Variants in NPY2R observed in about 807,000 individuals in gnomAD.
NPY2R encodes neuropeptide Y receptor Y2, also known as neuropeptide Y receptor type 2.
In NPY2R, 17 loss-of-function variants were observed where a neutral mutation model predicts 22.3. The ratio of observed to expected loss-of-function variants is 0.76; its 90% CI spans 0.52 to 1.14. The LOEUF (loss-of-function observed/expected upper bound fraction) is 1.14. Among genes scored for constraint, NPY2R ranks in the 50% most tolerant of loss-of-function variants. NPY2R has a pLI of 0.00. For missense variants in NPY2R, 424 were observed against 467.9 expected, an observed-to-expected ratio of 0.91 and a Z score of 0.87; for synonymous variants, 209 against 183.4, an observed-to-expected ratio of 1.14 and a Z score of -1.13.
the NPY2R span, among the ~76,000 whole-genome samples, chr4:155,202,697 G>A: frequency 6.6e-6 from 1 of 151,900 alleles, no homozygotes; most frequent in Non-Finnish European, 1.5e-5. Flanking sequence ...CCTTTCTCAG[G>A]AGATATCAAT....
intron 1 of NPY2R, among the ~76,000 whole-genome samples, chr4:155,213,575 C>T (rs1410784872): frequency 6.6e-6 from 1 of 152,018 alleles, no homozygotes; most frequent in Non-Finnish European, 1.5e-5. Context: ...ATATTCATTC[C>T]ACTTAAAATG....
At chr4:155,196,240 A>T in the NPY2R span, among the ~76,000 whole-genome samples, 1 of 151,924 alleles carries the variant, frequency 6.6e-6, no homozygotes, top group Non-Finnish European at 1.5e-5. Flanking sequence ...TTTTTCCCCA[A>T]TATGGGTTAC....
chr4:155,178,687 G>A, the NPY2R span, among the ~76,000 whole-genome samples: 6 of 152,102 alleles, frequency 3.9e-5, no homozygotes, highest in Non-Finnish European at 7.4e-5. Context: ...TATTAAGTGT[G>A]CGTGCATTTA....
the NPY2R span, among the ~76,000 whole-genome samples, chr4:155,190,772 T>C: frequency 6.6e-6 from 1 of 151,916 alleles, no homozygotes; most frequent in Non-Finnish European, 1.5e-5. Context: ...TATGAGGTTA[T>C]GTCTATATTC....
At chr4:155,212,771 C>T (rs760032048) in intron 1 of NPY2R, among the ~76,000 whole-genome samples, 7 of 152,036 alleles carry the variant, frequency 4.6e-5, no homozygotes, top group Non-Finnish European at 1.0e-4. Flanking sequence ...TACTAGTCTG[C>T]GGGTTCTCTT....
the NPY2R span, among the ~76,000 whole-genome samples, chr4:155,194,755 C>T: frequency 6.6e-6 from 1 of 151,984 alleles, no homozygotes; most frequent in African/African-American, 2.4e-5. Flanking sequence ...GAGTGTATAC[C>T]TGGTAATGAG....
chr4:155,181,426 T>C, the NPY2R span, among the ~76,000 whole-genome samples: 1 of 152,136 alleles, frequency 6.6e-6, no homozygotes, highest in African/African-American at 2.4e-5. Flanking sequence ...TGCCAACCAT[T>C]CACCTATCTC....
Position 155,216,045 on chromosome 4 carries a change from C to T in NPY2R, c.*960C>T, listed in dbSNP as rs1729508149. ...AAGCTATTTTTGCACAGGTACATAG[C>T]TCTCATGTATTTAAAGAACACTGCA... On this transcript the variant is annotated 3_prime_UTR_variant, in exon 2 of 2. Coordinates refer to ENST00000329476, the MANE Select transcript of NPY2R (RefSeq NM_000910.4). The T allele has an allele frequency of 6.0e-6, 1 of 166,940 alleles. No homozygotes were observed. The highest frequency in any genetic ancestry group is 6.6e-5 in the Admixed American group (1 of 15,266). The allele number at this position is 166,940 out of a possible 1,614,324, so 10.3% of individuals were successfully genotyped here. A position where few individuals can be genotyped will look rare whatever the true frequency, so the allele number is the denominator to read the frequency against.
At chr4:155,174,485 T>TATATATATATATATATATA in the NPY2R span, among the ~76,000 whole-genome samples, 228 of 41,584 alleles carry the variant, frequency 5.5e-3, no homozygotes, top group South Asian at 0.012. Context: ...TATATATATA[T>TATATATATATATATATATA]TTTTTTTTTT....
Position 155,214,938 on chromosome 4 carries a change from A to T in NPY2R, c.999A>T (p.Arg333Ser). The change falls in exon 2 of 2, where the codon AGA (arginine) becomes AGT (serine). Residue 333 changes from arginine to serine, a missense_variant. Physicochemically the swap from Arg to Ser is moderately radical, Grantham distance 110 (BLOSUM62 -1). Transcript: ENST00000329476. The stretch of plus-strand genomic sequence containing the variant: ...ATGGCTGGATGAACAGCAACTACAG[A>T]AAGGCTTTCCTCTCGGCCTTCCGCT... ...LLYGWMNSNY[R>S]KAFLSAFRCE... 1 of 1,614,144 alleles carries T rather than the reference A, an allele frequency of 6.2e-7. No individual in the cohort carries two copies. Among genetic ancestry groups the T allele is most frequent in the Non-Finnish European group, 8.5e-7 (1 of 1,179,988 alleles).
the NPY2R span, among the ~76,000 whole-genome samples, chr4:155,182,521 T>A: frequency 4.6e-5 from 7 of 152,140 alleles, no homozygotes; most frequent in Admixed American, 3.3e-4. Flanking sequence ...GTCACTTGGT[T>A]CTTTAGAGTC....
the NPY2R span, chr4:155,174,164 T>G: frequency 6.6e-6 from 1 of 151,946 alleles, no homozygotes; most frequent in African/African-American, 2.4e-5. Context: ...TCAGAAAGAC[T>G]CTGGGATTAT....
chr4:155,188,543 G>T, the NPY2R span, among the ~76,000 whole-genome samples: 1 of 152,100 alleles, frequency 6.6e-6, no homozygotes, highest in Admixed American at 6.6e-5. Flanking sequence ...AGCGGCAAAG[G>T]TGATGGGAGG....
At chr4:155,197,244 A>T in the NPY2R span, among the ~76,000 whole-genome samples, 1 of 151,936 alleles carries the variant, frequency 6.6e-6, no homozygotes, top group African/African-American at 2.4e-5. Flanking sequence ...GTTTCATTTT[A>T]TATAGGTTTT....
intron 1 of NPY2R, 119 bp downstream of exon 1, chr4:155,209,188 C>T (rs1031202970): frequency 2.0e-5 from 3 of 152,200 alleles, no homozygotes; most frequent in Admixed American, 2.0e-4. Context: ...CTTTTTCCTC[C>T]TCCTTTAGGC....
chr4:155,180,508 T>C, the NPY2R span, among the ~76,000 whole-genome samples: 1 of 152,262 alleles, frequency 6.6e-6, no homozygotes, highest in African/African-American at 2.4e-5. Flanking sequence ...TTATACCAGT[T>C]GACAAGATAA....
In NPY2R at chr4:155,213,872, A is replaced by T; in HGVS notation, c.-48-20A>T. ...GTTTTTGTTGTTGTTGTTTTGTTTT[A>T]TTTTGTTTTTTCTTTTTAGGTTGTA... On this transcript the variant is annotated intron_variant, in intron 1 of 1. Transcript: ENST00000329476. The T allele has an allele frequency of 7.7e-7, 1 of 1,296,374 alleles. No individual in the cohort carries two copies. The highest frequency in any genetic ancestry group is 1.1e-6 in the Non-Finnish European group (1 of 893,282). 80.3% of individuals were successfully genotyped at this position (1,296,374 alleles called of 1,614,324 possible). A position where few individuals can be genotyped will look rare whatever the true frequency, so the allele number is the denominator to read the frequency against.
At position 155,213,901 on chromosome 4, in the gene NPY2R, T is replaced by C; in HGVS notation, c.-39T>C. The C allele has an allele frequency of 6.5e-7, 1 of 1,539,246 alleles. No homozygotes were observed. Among genetic ancestry groups the C allele is most frequent in the Non-Finnish European group, 9.0e-7 (1 of 1,112,128 alleles). ...TGTTTTTTCTTTTTAGGTTGTAGAC[T>C]CTTGTGCTGGTTGCAGGCCAAGTGG... On this transcript the variant is annotated 5_prime_UTR_variant, in exon 2 of 2. Transcript: ENST00000329476.
At chr4:155,181,151 T>G in the NPY2R span, among the ~76,000 whole-genome samples, 1 of 151,936 alleles carries the variant, frequency 6.6e-6, no homozygotes, top group South Asian at 2.1e-4. Context: ...GCTCTTCACA[T>G]GCACAATTAC....
Sources: gnomAD v4.1 joint callset for allele counts (sites outside exome capture counted in the v4.1 genomes callset) on GRCh38, gnomAD v4.1.1 for gene constraint, MANE v1.5 for transcripts, NCBI Gene and HGNC (gene_info 2026-07-23, HGNC 2026-07-21) for gene names.